Variants in ERCC1 observed in about 807,000 individuals in gnomAD.
ERCC1 encodes the protein DNA excision repair protein ERCC-1.
ERCC1 carries 36 observed loss-of-function variants against 37.6 expected under a neutral mutation model. The ratio of observed to expected loss-of-function variants is 0.96; its 90% CI spans 0.73 to 1.26. The LOEUF is 1.26. ERCC1 is among the 50% of genes most tolerant of loss of function. The pLI, the probability that ERCC1 is intolerant of heterozygous loss-of-function variation, is 0.00. For synonymous variants in ERCC1, 156 were observed against 162.1 expected, an observed-to-expected ratio of 0.96 and a Z score of 0.28; for missense variants, 349 against 376.5, an observed-to-expected ratio of 0.93 and a Z score of 0.60.
chr19:45,424,008 C>G (rs1201743810), upstream of ERCC1: 30 of 1,052,334 alleles, frequency 2.9e-5, no homozygotes, highest in Non-Finnish European at 3.3e-5. Context: ...CCGCGGAGGT[C>G]GTGGGAGGAG....
At chr19:45,435,109 G>A (rs770351685) in intron 1 of ERCC1, among the ~76,000 whole-genome samples, 30 of 152,016 alleles carry the variant, frequency 2.0e-4, no homozygotes, top group Non-Finnish European at 3.8e-4. Context: ...AGTAGAGACG[G>A]GGTTTCCCCA....
intron 1 of ERCC1, among the ~76,000 whole-genome samples, chr19:45,448,109 T>A (rs1209631344): frequency 1.3e-5 from 2 of 152,132 alleles, no homozygotes; most frequent in Middle Eastern, 3.2e-3. Flanking sequence ...TAACCTCAGG[T>A]GATCCACCCA....
upstream of ERCC1, among the ~76,000 whole-genome samples, chr19:45,428,552 T>C (rs898518568): frequency 1.3e-5 from 2 of 152,222 alleles, no homozygotes; most frequent in African/African-American, 4.8e-5. Flanking sequence ...AACTCCAGTT[T>C]GGGCCACTCC....
chr19:45,429,554 GAT>G (rs948239741), intron 1 of ERCC1, among the ~76,000 whole-genome samples: 1 of 152,132 alleles, frequency 6.6e-6, no homozygotes, highest in African/African-American at 2.4e-5. Flanking sequence ...AGGTGAACCA[GAT>G]ATACACACTT....
Position 45,416,667 on chromosome 19 carries a change from G to C in ERCC1, c.602+154C>G, listed in dbSNP as rs533729160. On this transcript the variant is annotated intron_variant, in intron 6 of 9. Transcript: ENST00000300853. Reference sequence around the variant, plus strand: ...AAAAAAAAAAAAAAATTAAGACCTTGTTTTACAGATGAGGAAACTGAAGGC... The same window carrying C: ...AAAAAAAAAAAAAAATTAAGACCTTCTTTTACAGATGAGGAAACTGAAGGC... 148 of 599,356 alleles carry C rather than the reference G, an allele frequency of 2.5e-4. 1 individual carries two copies. In the South Asian group the frequency reaches 2.6e-3, roughly 10 times the overall value. 37.1% of individuals were successfully genotyped at this position (599,356 alleles called of 1,614,324 possible).
rs201384063 is a variant in ERCC1 at position 45,413,726 on chromosome 19, G to A, written c.794C>T (p.Ala265Val). Residue 265 changes from alanine to valine, a missense_variant, in exon 9 of 10, where the codon GCC becomes GTC. Physicochemically the swap from Ala to Val is moderately conservative, Grantham distance 64. Coordinates refer to ENST00000300853, the MANE Select transcript of ERCC1 (RefSeq NM_001983.4). ...TTFGSLEQLI[A>V]ASREDLALCP... Reference sequence around the variant, plus strand: ...TAAGGCCAGATCTTCTCTTGATGCGGCGATGAGCTGTTCCAGAGACTGAAA... The same window carrying A: ...TAAGGCCAGATCTTCTCTTGATGCGACGATGAGCTGTTCCAGAGACTGAAA... 6.8e-6 allele frequency: 11 copies of A among 1,613,750 alleles called. No individual in the cohort carries two copies. In the East Asian group the frequency reaches 2.0e-4, roughly 29 times the overall value.
chr19:45,440,956 T>C (rs889040576), intron 1 of ERCC1, among the ~76,000 whole-genome samples: 6 of 152,186 alleles, frequency 3.9e-5, no homozygotes, highest in African/African-American at 1.4e-4. Flanking sequence ...TTGTCCAGGC[T>C]GGTCTTGAGC....
chr19:45,433,312 G>A (rs942132726), intron 1 of ERCC1, among the ~76,000 whole-genome samples: 1 of 152,020 alleles, frequency 6.6e-6, no homozygotes, highest in African/African-American at 2.4e-5. Context: ...GATCACCAGA[G>A]GTCAGGAGTT....
At chr19:45,411,263 A>C (rs1344002519) in intron 9 of ERCC1, among the ~76,000 whole-genome samples, 5 of 152,240 alleles carry the variant, frequency 3.3e-5, no homozygotes, top group Non-Finnish European at 7.3e-5. Flanking sequence ...ACAGGAGTGC[A>C]GATACCTGTT....
intron 1 of ERCC1, among the ~76,000 whole-genome samples, chr19:45,438,525 A>G (rs1393282192): frequency 6.6e-6 from 1 of 152,150 alleles, no homozygotes; most frequent in Non-Finnish European, 1.5e-5. Context: ...CAGTGGCACA[A>G]TCTCGGCTCA....
At chr19:45,444,222 C>T (rs981068516) in intron 1 of ERCC1, among the ~76,000 whole-genome samples, 2 of 151,522 alleles carry the variant, frequency 1.3e-5, no homozygotes, top group Non-Finnish European at 2.9e-5. Flanking sequence ...CCTCGAACTG[C>T]CCCATGTCCC....
At chr19:45,430,011 T>C (rs1028748502) in intron 1 of ERCC1, among the ~76,000 whole-genome samples, 3 of 152,166 alleles carry the variant, frequency 2.0e-5, no homozygotes, top group Non-Finnish European at 1.5e-5. Flanking sequence ...TTCGAACTCC[T>C]GACCTCAGGT....
chr19:45,409,804 G>A, intron 9 of ERCC1, 79 bp from the exon 10 acceptor site: 1 of 720,512 alleles, frequency 1.4e-6, no homozygotes, highest in East Asian at 2.6e-5. Flanking sequence ...TGGGGTTTTG[G>A]TTCTTTATTT....
chr19:45,428,256 T>A (rs908050578), upstream of ERCC1, among the ~76,000 whole-genome samples: 63 of 147,354 alleles, frequency 4.3e-4, no homozygotes, highest in African/African-American at 1.5e-3. Context: ...CCAACTTTTG[T>A]ATTTTTTTTG....
chr19:45,433,697 A>C (rs1253593429), intron 1 of ERCC1, among the ~76,000 whole-genome samples: 2 of 151,876 alleles, frequency 1.3e-5, no homozygotes, highest in Non-Finnish European at 2.9e-5. Flanking sequence ...TTAAAAAAAA[A>C]AAAAAAAGAA....
chr19:45,450,056 T>A (rs1377196411), intron 1 of ERCC1, among the ~76,000 whole-genome samples: 2 of 152,202 alleles, frequency 1.3e-5, no homozygotes, highest in Non-Finnish European at 2.9e-5. Context: ...ACTTATTATG[T>A]ACTAAGTGCT....
chr19:45,420,187 A>C lies in ERCC1; in HGVS notation c.425+137T>G, dbSNP rs1704199391. ...GGCCAAGACCCCCTGCCTCCAACAC[A>C]GGGTCCCACCAAGGCCCAGAACCTG... On this transcript the variant is annotated intron_variant, in intron 4 of 9. Transcript: ENST00000300853. This position sits in a 1 kb window ranked among gnomAD's most constrained non-coding sequence, Gnocchi z 4.8. 1 of 698,152 alleles carries C rather than the reference A, an allele frequency of 1.4e-6. No individual in the cohort carries two copies. The highest frequency in any genetic ancestry group is 2.0e-5 in the Admixed American group (1 of 49,086). The allele number at this position is 698,152 out of a possible 1,614,324, so 43.2% of individuals were successfully genotyped here.
At chr19:45,440,540 G>C (rs1021362129) in intron 1 of ERCC1, among the ~76,000 whole-genome samples, 1 of 152,138 alleles carries the variant, frequency 6.6e-6, no homozygotes, top group South Asian at 2.1e-4. Context: ...GGACACTTCA[G>C]TCTGGCCTAG....
chr19:45,430,718 C>G (rs1364228786), intron 1 of ERCC1, among the ~76,000 whole-genome samples: 1 of 152,032 alleles, frequency 6.6e-6, no homozygotes, highest in Non-Finnish European at 1.5e-5. Flanking sequence ...GAGTTTGAGA[C>G]CAGCCTGGCA....
Sources: gnomAD v4.1 joint callset for allele counts (sites outside exome capture counted in the v4.1 genomes callset) on GRCh38, gnomAD v4.1.1 for gene constraint, Gnocchi (gnomAD v3.1) non-coding constraint, MANE v1.5 for transcripts, NCBI Gene and HGNC (gene_info 2026-07-23, HGNC 2026-07-21) for gene names.